The following ATE1 variants were observed in gnomAD, a reference collection of about 807,000 sequenced individuals.
ATE1 encodes the protein arginyltransferase 1.
ATE1 carries 36 observed loss-of-function variants against 70.5 expected under a neutral mutation model. That is an observed-to-expected ratio of 0.51 (90% CI 0.39 to 0.67). The LOEUF is 0.67. ATE1 is among the 30% of genes least tolerant of loss of function. ATE1 has a pLI of 0.00. For missense variants in ATE1, 593 were observed against 629.5 expected (o/e 0.94, Z 0.62); for synonymous variants, 232 against 219.3 (o/e 1.06, Z -0.51).
At chr10:121,849,700 C>T (rs977797316) in intron 8 of ATE1, among the ~76,000 whole-genome samples, 3 of 152,190 alleles carry the variant, frequency 2.0e-5, no homozygotes, top group African/African-American at 7.2e-5. Flanking sequence ...ATCTGCTCTT[C>T]TCAATTTGGC....
intron 7 of ATE1, among the ~76,000 whole-genome samples, chr10:121,884,269 T>C (rs186684371): frequency 4.6e-5 from 7 of 152,230 alleles, no homozygotes; most frequent in African/African-American, 1.7e-4. Context: ...GATGGTATGA[T>C]TTTGTGATCT....
At chr10:121,866,211 G>A (rs1949657849) in intron 8 of ATE1, among the ~76,000 whole-genome samples, 1 of 152,180 alleles carries the variant, frequency 6.6e-6, no homozygotes, top group Admixed American at 6.5e-5. Flanking sequence ...TGCTGGTGGA[G>A]ACTTAGGGGT....
intron 8 of ATE1, among the ~76,000 whole-genome samples, chr10:121,854,117 A>G (rs550099151): frequency 4.1e-4 from 62 of 152,218 alleles, no homozygotes; most frequent in Middle Eastern, 3.4e-3. Flanking sequence ...TTGATTTTCT[A>G]TTGACTGGGT....
At chr10:121,820,872 C>A (rs987918991) in intron 10 of ATE1, among the ~76,000 whole-genome samples, 1 of 152,200 alleles carries the variant, frequency 6.6e-6, no homozygotes, top group Admixed American at 6.5e-5. Flanking sequence ...ACACCATATA[C>A]TAAAATCGTT....
chr10:121,778,092 T>G (rs1945820297), intron 11 of ATE1, among the ~76,000 whole-genome samples: 1 of 152,222 alleles, frequency 6.6e-6, no homozygotes, highest in African/African-American at 2.4e-5. Context: ...AAAGGAAACC[T>G]TGGAATCATC....
chr10:121,837,848 G>A lies in ATE1; in HGVS notation c.1158-1031C>T, dbSNP rs777005321. 3.0e-4 allele frequency among the ~76,000 whole-genome samples: 46 copies of A among 152,024 alleles called. 1 individual carries two copies. Among genetic ancestry groups the A allele is most frequent in the Admixed American group, 1.8e-3 (28 of 15,246 alleles). ...AAAGAATGCACTGACACAAGCAAGC[G>A]TAAGACCACCAATTCCGAGAAGGCC... On this transcript the variant is annotated intron_variant, in intron 9 of 11. Coordinates refer to ENST00000224652, the MANE Select transcript of ATE1 (RefSeq NM_001001976.3).
At chr10:121,772,609 G>A (rs897379113) in intron 11 of ATE1, among the ~76,000 whole-genome samples, 10 of 152,224 alleles carry the variant, frequency 6.6e-5, no homozygotes, top group African/African-American at 1.9e-4. Flanking sequence ...CCAGAGAGGC[G>A]AGGAATCCAG....
intron 11 of ATE1, among the ~76,000 whole-genome samples, chr10:121,745,515 C>T (rs185729099): frequency 2.6e-5 from 4 of 152,048 alleles, no homozygotes; most frequent in Admixed American, 2.6e-4. Flanking sequence ...AGGAGATCGA[C>T]ACCATTCTGG....
intron 8 of ATE1, among the ~76,000 whole-genome samples, chr10:121,844,054 T>C (rs1948725918): frequency 6.6e-6 from 1 of 152,182 alleles, no homozygotes; most frequent in South Asian, 2.1e-4. Context: ...GTATCCAAAA[T>C]ATACAAAGAC....
chr10:121,906,658 G>T (rs1468951662), intron 5 of ATE1, among the ~76,000 whole-genome samples: 1 of 151,996 alleles, frequency 6.6e-6, no homozygotes, highest in Non-Finnish European at 1.5e-5. Context: ...GAGTGCAGTG[G>T]CGTGATCTCA....
At chr10:121,826,127 G>T (rs4752604) in intron 10 of ATE1, among the ~76,000 whole-genome samples, 1 of 151,986 alleles carries the variant, frequency 6.6e-6, no homozygotes, top group African/African-American at 2.4e-5. Context: ...AATTCTTAGG[G>T]GTGGGGAAGG....
intron 7 of ATE1, among the ~76,000 whole-genome samples, chr10:121,890,599 G>A (rs933886003): frequency 3.9e-5 from 6 of 152,192 alleles, no homozygotes; most frequent in African/African-American, 1.4e-4. Flanking sequence ...GAAGTATGAT[G>A]AGATTACTGG....
At chr10:121,758,081 C>T (rs1023651585) in intron 11 of ATE1, among the ~76,000 whole-genome samples, 9 of 152,084 alleles carry the variant, frequency 5.9e-5, no homozygotes, top group Admixed American at 2.6e-4. Context: ...GGATAGAGTC[C>T]TGAGACAAGA....
At chr10:121,882,371 AG>A (rs1457225962) in intron 7 of ATE1, among the ~76,000 whole-genome samples, 1 of 152,252 alleles carries the variant, frequency 6.6e-6, no homozygotes, top group Non-Finnish European at 1.5e-5. Context: ...CCTTGACCTC[AG>A]GATCTCTGAC....
At chr10:121,819,707 C>T (rs1276258174) in intron 10 of ATE1, among the ~76,000 whole-genome samples, 1 of 117,494 alleles carries the variant, frequency 8.5e-6, no homozygotes, top group African/African-American at 3.4e-5. Flanking sequence ...AAAAAGACTA[C>T]ACACATTGGG....
At chr10:121,847,544 G>A (rs1459952445) in intron 8 of ATE1, among the ~76,000 whole-genome samples, 1 of 151,928 alleles carries the variant, frequency 6.6e-6, no homozygotes, top group Admixed American at 6.6e-5. Flanking sequence ...CAGATCACGA[G>A]CTCAGGAGAT....
intron 10 of ATE1, among the ~76,000 whole-genome samples, chr10:121,834,222 T>C (rs1254500259): frequency 6.6e-6 from 1 of 152,168 alleles, no homozygotes; most frequent in Non-Finnish European, 1.5e-5. Flanking sequence ...AGTTAATTAA[T>C]GTCTACCACA....
At chr10:121,754,127 C>T (rs1944700333) in intron 11 of ATE1, among the ~76,000 whole-genome samples, 1 of 152,194 alleles carries the variant, frequency 6.6e-6, no homozygotes, top group Admixed American at 6.5e-5. Context: ...TATAGACATA[C>T]AGATACACAG....
In ATE1 at chr10:121,820,743, T is replaced by G. The variant is rs949589161; in HGVS notation, c.1257+15975A>C. Among the ~76,000 whole-genome samples, 21 of 152,182 alleles carry G rather than the reference T, an allele frequency of 1.4e-4. 1 individual carries two copies. The highest frequency in any genetic ancestry group is 2.6e-4 in the Non-Finnish European group (18 of 68,040). On this transcript the variant is annotated intron_variant, in intron 10 of 11. Coordinates refer to ENST00000224652, the MANE Select transcript of ATE1 (RefSeq NM_001001976.3). ...TCTGACAAAGGGAAAGCTGAGACAT[T>G]TCATCATAATACAAATAATTTAACT... is the stretch of plus-strand genomic sequence containing the variant.
Sources: gnomAD v4.1 joint callset for allele counts (sites outside exome capture counted in the v4.1 genomes callset) on GRCh38, gnomAD v4.1.1 for gene constraint, MANE v1.5 for transcripts, NCBI Gene and HGNC (gene_info 2026-07-23, HGNC 2026-07-21) for gene names.